The following BAIAP2 variants were observed in gnomAD, a reference collection of about 807,000 sequenced individuals.
BAIAP2 encodes BAR/IMD domain-containing adapter protein 2.
A neutral mutation model predicts 63.0 loss-of-function variants in BAIAP2; 18 were observed. The observed-to-expected ratio is 0.29, with a 90% confidence interval of 0.20 to 0.42. BAIAP2 has a LOEUF of 0.42. BAIAP2 is among the 10% of genes least tolerant of loss of function. BAIAP2 has a pLI of 1.00. For synonymous variants in BAIAP2, 386 were observed against 307.6 expected (o/e 1.25, Z -2.67); for missense variants, 610 against 734.3 (o/e 0.83, Z 1.96).
chr17:81,086,709 C>A, intron 6 of BAIAP2, 129 bp downstream of exon 6: 1 of 1,083,538 alleles, frequency 9.2e-7, no homozygotes, highest in Non-Finnish European at 1.3e-6. Flanking sequence ...GGCTGTGTGT[C>A]CCTGGTAGAC....
chr17:81,071,378 C>G (rs2052625356), intron 3 of BAIAP2, among the ~76,000 whole-genome samples: 1 of 152,174 alleles, frequency 6.6e-6, no homozygotes, highest in African/African-American at 2.4e-5. Flanking sequence ...TCTGTTCGAG[C>G]CCTGCCCAGG....
intron 3 of BAIAP2, among the ~76,000 whole-genome samples, chr17:81,059,504 G>C (rs1481157503): frequency 6.6e-6 from 1 of 152,224 alleles, no homozygotes; most frequent in Admixed American, 6.5e-5. Flanking sequence ...CTGGAATGCA[G>C]AACTATCGTG....
At chr17:81,106,716 G>A in intron 11 of BAIAP2, 29 bp from the exon 12 acceptor site, 1 of 1,611,996 alleles carries the variant, frequency 6.2e-7, no homozygotes, top group Non-Finnish European at 8.5e-7. Flanking sequence ...CCGGCCTGCT[G>A]GGCCGCCTCT....
At chr17:81,081,849 C>T (rs2054667990) in intron 3 of BAIAP2, among the ~76,000 whole-genome samples, 2 of 152,198 alleles carry the variant, frequency 1.3e-5, no homozygotes, top group Admixed American at 1.3e-4. Flanking sequence ...CATCGCTGGG[C>T]CCTGCCCCAC....
At chr17:81,075,842 C>T (rs936396482) in intron 3 of BAIAP2, among the ~76,000 whole-genome samples, 4 of 152,222 alleles carry the variant, frequency 2.6e-5, no homozygotes, top group Non-Finnish European at 4.4e-5. Context: ...TGGCCAGCCA[C>T]AGGCTCCATA....
chr17:81,113,494 C>T (rs1201511008), intron 13 of BAIAP2, among the ~76,000 whole-genome samples: 4 of 152,194 alleles, frequency 2.6e-5, no homozygotes, highest in East Asian at 1.9e-4. Flanking sequence ...GCCTCCTGGG[C>T]GCGTCTTTCC....
At chr17:81,115,393 T>C (rs1450884464) in intron 13 of BAIAP2, among the ~76,000 whole-genome samples, 1 of 152,230 alleles carries the variant, frequency 6.6e-6, no homozygotes, top group African/African-American at 2.4e-5. Context: ...AACTGGTGTG[T>C]GCCCGGTTCA....
At chr17:81,097,831 A>G in intron 6 of BAIAP2, 1 of 312,778 alleles carries the variant, frequency 3.2e-6, no homozygotes, top group Middle Eastern at 8.3e-4. Context: ...GTCCCTGGGG[A>G]CAGGGTCTGT....
At chr17:81,103,051 G>C (rs2058704406) in intron 7 of BAIAP2, among the ~76,000 whole-genome samples, 1 of 152,238 alleles carries the variant, frequency 6.6e-6, no homozygotes, top group Admixed American at 6.5e-5. Context: ...GGTTGGAGCA[G>C]TGAGCCTCAG....
In BAIAP2 at chr17:81,086,539, G is replaced by A; in HGVS notation, c.448G>A (p.Gly150Ser). The change falls in exon 6 of 14, where the codon GGC (glycine) becomes AGC (serine). Residue 150 changes from glycine (G) to serine (S), a missense_variant. Around this residue, in one of 5 missense-constraint regions of BAIAP2, gnomAD observed 389 missense variants for 455.6 expected, o/e 0.85. Transcript: ENST00000428708. Reference sequence around the variant, plus strand: ...GAAGAAGCTTCGGAAGAAGAGCCAGGGCAGCAAGAATCCTCAGAAGTACTC... The same window carrying A: ...GAAGAAGCTTCGGAAGAAGAGCCAGAGCAGCAAGAATCCTCAGAAGTACTC... ...ELKKLRKKSQ[G>S]SKNPQKYSDK... is the part of the protein sequence containing the mutation. 4.3e-6 allele frequency: 7 copies of A among 1,613,864 alleles called. No individual in the cohort carries two copies. The highest frequency in any genetic ancestry group is 5.9e-6 in the Non-Finnish European group (7 of 1,180,022).
At chr17:81,065,914 C>T (rs913871717) in intron 3 of BAIAP2, among the ~76,000 whole-genome samples, 1 of 152,246 alleles carries the variant, frequency 6.6e-6, no homozygotes. Flanking sequence ...CTCTTCAGGA[C>T]GGTGCCCTGT....
intron 7 of BAIAP2, among the ~76,000 whole-genome samples, chr17:81,101,189 G>A (rs147210936): frequency 3.9e-5 from 6 of 152,238 alleles, no homozygotes; most frequent in African/African-American, 1.4e-4. Context: ...CGTTCCTTGT[G>A]GGGGAATCCC....
intron 9 of BAIAP2, 48 bp from the exon 10 acceptor site, chr17:81,104,466 G>T: frequency 2.0e-6 from 3 of 1,536,054 alleles, no homozygotes; most frequent in Non-Finnish European, 2.6e-6. Context: ...GGGCTTTGCT[G>T]CCCCGCCAGC....
At chr17:81,066,369 G>A (rs2051465769) in intron 3 of BAIAP2, among the ~76,000 whole-genome samples, 1 of 152,238 alleles carries the variant, frequency 6.6e-6, no homozygotes, top group Admixed American at 6.5e-5. Context: ...GAAACTGTGG[G>A]CTGGATTTTG....
At chr17:81,102,440 G>A (rs1180204746) in intron 7 of BAIAP2, among the ~76,000 whole-genome samples, 1 of 152,188 alleles carries the variant, frequency 6.6e-6, no homozygotes, top group Non-Finnish European at 1.5e-5. Flanking sequence ...GGGCCACAAA[G>A]TTTGTGCTTT....
chr17:81,108,823 C>T, intron 13 of BAIAP2: 7 of 1,314,944 alleles, frequency 5.3e-6, no homozygotes, highest in Non-Finnish European at 7.1e-6. Context: ...CCAATCTGTG[C>T]TCCGCCCTTG....
intron 8 of BAIAP2, 38 bp downstream of exon 8, chr17:81,103,761 G>A (rs770918645): frequency 3.2e-6 from 5 of 1,576,984 alleles, no homozygotes; most frequent in Non-Finnish European, 3.4e-6. Flanking sequence ...ACGGGTGTGG[G>A]TGGGAGGGCA....
intron 1 of BAIAP2, among the ~76,000 whole-genome samples, chr17:81,049,099 G>A (rs1158886996): frequency 6.6e-6 from 1 of 152,258 alleles, no homozygotes. Context: ...ACGCGGCCCA[G>A]GGAGCCAGTG....
intron 13 of BAIAP2, chr17:81,110,092 G>T (rs1127508): frequency 0.037 from 36,017 of 985,338 alleles, 718 homozygotes; most frequent in Non-Finnish European, 0.041. Context: ...GGAATTGAGT[G>T]CAGGGCACAG....
Sources: allele counts gnomAD v4.1 joint callset (sites outside exome capture counted in the v4.1 genomes callset), GRCh38; gene constraint gnomAD v4.1.1; regional missense constraint gnomAD v4.1.1; transcripts MANE v1.5; gene names NCBI Gene and HGNC (gene_info 2026-07-23, HGNC 2026-07-21).